PPFIA3: variants seen among roughly 807,000 people sequenced by gnomAD.
The protein encoded by PPFIA3 is PPFI scaffold protein A3, also known as liprin-alpha-3.
Under a neutral mutation model 145.8 loss-of-function variants are expected in PPFIA3, and 26 were observed. The observed-to-expected ratio is 0.18, with a 90% CI of 0.13 to 0.25. The LOEUF is 0.25. Among genes scored for constraint, PPFIA3 ranks in the 10% least tolerant of loss-of-function variants. The pLI is 1.00. For synonymous variants in PPFIA3, 645 were observed against 661.4 expected (o/e 0.98, Z 0.38); for missense variants, 1,008 against 1,587.8 (o/e 0.63, Z 6.21).
At position 49,149,954 on chromosome 19, in the gene PPFIA3, G is replaced by A. The variant is rs2041326317; in HGVS notation, c.3527-126G>A. 8.0e-7 allele frequency: 1 copy of A among 1,250,028 alleles called. No homozygotes were observed. The highest frequency in any genetic ancestry group is 1.1e-6 in the Non-Finnish European group (1 of 898,058). The allele number at this position is 1,250,028 out of a possible 1,614,324, so 77.4% of individuals were successfully genotyped here. On this transcript the variant is annotated intron_variant, in intron 28 of 29. Transcript: ENST00000334186. The surrounding 1 kb of genome is among the most constrained non-coding windows in gnomAD (Gnocchi z 5.7). The stretch of plus-strand genomic sequence containing the variant: ...TTTGAGTCCTTGGCTGCGGGGAAGG[G>A]AGGGAAACCCATGTGGAGCCCGGCG...
In PPFIA3 at chr19:49,130,058, G is replaced by A. The variant is rs1209034514; in HGVS notation, c.648G>A (p.Gly216=). The change falls in exon 6 of 30, where the codon GGG becomes GGA. Residue 216 remains glycine (G), a synonymous_variant. Coordinates refer to ENST00000334186, the MANE Select transcript of PPFIA3 (RefSeq NM_003660.4). This position sits in a 1 kb window ranked among gnomAD's most constrained non-coding sequence, Gnocchi z 4.5. ...RSGLEEPGKD[G]DGQTLANGLG... ...GGCTGGAAGAGCCGGGCAAGGATGG[G>A]GATGGGCAGGTGAGACATGGAAGTC... is the stretch of plus-strand genomic sequence containing the variant. The A allele has an allele frequency of 3.1e-6, 5 of 1,611,850 alleles. No homozygotes were observed. Among genetic ancestry groups the A allele is most frequent in the Non-Finnish European group, 4.2e-6 (5 of 1,179,276 alleles).
intron 23 of PPFIA3, chr19:49,146,442 G>GT (rs1404634991): frequency 2.6e-5 from 15 of 584,416 alleles, no homozygotes; most frequent in South Asian, 6.1e-5. Context: ...ATCGTGGGTT[G>GT]TGGGGGCTCT....
Position 49,129,368 on chromosome 19 carries a change from C to CCCGAT in PPFIA3, c.508-9_508-5dup, listed in dbSNP as rs780131221. 2.4e-5 allele frequency: 37 copies of CCCGAT among 1,549,270 alleles called. No individual in the cohort carries two copies. The highest frequency in any genetic ancestry group is 6.0e-5 in the South Asian group (5 of 83,980). ...TGTCTCCAGCTGACTGTTGCCCTGC[C>CCCGAT]CCGATCCCCAGGTCCGGGAGCGGCT... On this transcript the variant is annotated splice_polypyrimidine_tract_variant and intron_variant, in intron 4 of 29. Transcript: ENST00000334186.
intron 16 of PPFIA3, 144 bp from the exon 17 acceptor site, chr19:49,139,524 C>A: frequency 3.0e-6 from 2 of 676,046 alleles, no homozygotes; most frequent in Non-Finnish European, 4.3e-6. Context: ...CTGCAACTCA[C>A]CCTGACTTGA....
rs1473610456 is a variant in PPFIA3 at position 49,150,489 on chromosome 19, C to T, written c.*267C>T. 1 of 219,344 alleles carries T rather than the reference C, an allele frequency of 4.6e-6. No homozygotes were observed. Among genetic ancestry groups the T allele is most frequent in the Non-Finnish European group, 9.0e-6 (1 of 110,758 alleles). 13.6% of individuals were successfully genotyped at this position (219,344 alleles called of 1,614,324 possible). ...CAAACGTCCGCTTTCCTTTTCTCTA[C>T]TTTGTAATTTATTGATCAGTTTCTG... is the stretch of plus-strand genomic sequence containing the variant. On this transcript the variant is annotated 3_prime_UTR_variant, in exon 30 of 30. Coordinates refer to ENST00000334186, the MANE Select transcript of PPFIA3 (RefSeq NM_003660.4).
chr19:49,134,779 G>C, intron 12 of PPFIA3, 57 bp from the exon 13 acceptor site: 1 of 1,610,776 alleles, frequency 6.2e-7, no homozygotes, highest in Non-Finnish European at 8.5e-7. Flanking sequence ...TCTGGCAGGG[G>C]CTGTTCCTCC....
chr19:49,140,639 C>CTTTTTTTTTTTTTTTTTTT (rs4002348), intron 18 of PPFIA3, among the ~76,000 whole-genome samples: 5 of 63,830 alleles, frequency 7.8e-5, no homozygotes, highest in African/African-American at 3.1e-4. Context: ...ACTCATTTAC[C>CTTTTTTTTTTTTTTTTTTT]TTTTTTTTTT....
chr19:49,128,789 C>T lies in PPFIA3; in HGVS notation c.343-59C>T. 1 of 1,472,246 alleles carries T rather than the reference C, an allele frequency of 6.8e-7. No homozygotes were observed. The highest frequency in any genetic ancestry group is 9.1e-7 in the Non-Finnish European group (1 of 1,094,926). 91.2% of individuals were successfully genotyped at this position (1,472,246 alleles called of 1,614,324 possible). Reference sequence around the variant, plus strand: ...GTCCGCCCTACCTGTCACCCTTTTTCTCACATCTGCCCCTTTTCCCTTGCC... The same window carrying T: ...GTCCGCCCTACCTGTCACCCTTTTTTTCACATCTGCCCCTTTTCCCTTGCC... On this transcript the variant is annotated intron_variant, in intron 3 of 29. Transcript: ENST00000334186. The surrounding 1 kb of genome is among the most constrained non-coding windows in gnomAD (Gnocchi z 4.1).
chr19:49,141,676 A>G (rs866842168), intron 19 of PPFIA3, among the ~76,000 whole-genome samples, 163 bp downstream of exon 19: 6 of 151,536 alleles, frequency 4.0e-5, no homozygotes, highest in African/African-American at 1.5e-4. Context: ...TGGGAATTCA[A>G]TGCTGGGAGG....
intron 11 of PPFIA3, 131 bp downstream of exon 11, chr19:49,134,296 C>A: frequency 7.9e-7 from 1 of 1,270,830 alleles, no homozygotes; most frequent in Non-Finnish European, 1.1e-6. Context: ...CTGAGTTGGG[C>A]AGCCTTCTCT....
chr19:49,148,516 C>A, intron 24 of PPFIA3, 150 bp from the exon 25 acceptor site: 1 of 736,564 alleles, frequency 1.4e-6, no homozygotes, highest in Non-Finnish European at 2.2e-6. Flanking sequence ...ATTGAAAATG[C>A]CTCACCTCCT....
chr19:49,142,112 G>T lies in PPFIA3; in HGVS notation c.2541G>T (p.Leu847=), dbSNP rs757503340. ...ACGGGCCCACCGTGGTGTCCTGGCT[G>T]GAGGTACTGGGGCCCAGAAATGCCC... ...AWDGPTVVSW[L]ELWVGMPAWY... Residue 847 remains leucine (L), a synonymous_variant, in exon 20 of 30, where the codon CTG becomes CTT. Transcript: ENST00000334186. The T allele has an allele frequency of 8.4e-5, 132 of 1,567,904 alleles. No homozygotes were observed. The highest frequency in any genetic ancestry group is 6.3e-4 in the South Asian group (54 of 85,156).
In PPFIA3 at chr19:49,128,162, A is replaced by G. The variant is rs1374491223; in HGVS notation, c.240+49A>G. 1.1e-5 allele frequency: 16 copies of G among 1,423,680 alleles called. No homozygotes were observed. In the East Asian group the frequency reaches 1.7e-4, roughly 15 times the overall value. The allele number at this position is 1,423,680 out of a possible 1,614,324, so 88.2% of individuals were successfully genotyped here. A position where few individuals can be genotyped will look rare whatever the true frequency, so the allele number is the denominator to read the frequency against. On this transcript the variant is annotated intron_variant, in intron 2 of 29. Transcript: ENST00000334186. The surrounding 1 kb of genome is among the most constrained non-coding windows in gnomAD (Gnocchi z 4.1). The stretch of plus-strand genomic sequence containing the variant: ...CATGAGGGGGCGGGGCCTCGGGGGG[A>G]AGAAGGCGGTCCGGAAGGGGCCGGG...
chr19:49,134,596 G>A (rs1407768644), intron 11 of PPFIA3, 43 bp from the exon 12 acceptor site: 2 of 1,584,506 alleles, frequency 1.3e-6, no homozygotes, highest in South Asian at 1.1e-5. Context: ...CACGGGCGTG[G>A]CCCCTCAGGC....
chr19:49,141,601 A>AGT (rs147872140), intron 19 of PPFIA3, 88 bp downstream of exon 19: 288,346 of 819,384 alleles, frequency 0.35, 46,914 homozygotes, highest in African/African-American at 0.47. Context: ...TGTGTGTATG[A>AGT]GTGTGTGTGT....
Position 49,133,933 on chromosome 19 carries a change from TTAA to T in PPFIA3, c.1245+58_1245+60del. The T allele has an allele frequency of 2.5e-6, 4 of 1,609,594 alleles. No homozygotes were observed. In the African/African-American group the frequency reaches 4.0e-5, roughly 16 times the overall value. ...TGGGGCTTCGAGGCTGGGGCGGAGC[TTAA>T]TAAGGAGGCTGGGCTGGGCCCGGGG... On this transcript the variant is annotated intron_variant, in intron 10 of 29. Transcript: ENST00000334186. This position sits in a 1 kb window ranked among gnomAD's most constrained non-coding sequence, Gnocchi z 7.2.
intron 23 of PPFIA3, chr19:49,146,540 T>G (rs1181193042): frequency 2.8e-6 from 1 of 354,868 alleles, no homozygotes; most frequent in Non-Finnish European, 5.2e-6. Flanking sequence ...GACTGCTCAG[T>G]GTACCAGGGC....
intron 17 of PPFIA3, 26 bp downstream of exon 17, chr19:49,139,857 AG>A (rs2041195099): frequency 1.2e-6 from 2 of 1,610,448 alleles, no homozygotes; most frequent in Non-Finnish European, 1.7e-6. Context: ...GGATAGGGAC[AG>A]GGAGAAGCTG....
rs750429291 is a variant in PPFIA3 at position 49,133,111 on chromosome 19, G to A, written c.990G>A (p.Glu330=). 2 of 1,611,938 alleles carry A rather than the reference G, an allele frequency of 1.2e-6. No homozygotes were observed. The highest frequency in any genetic ancestry group is 2.2e-5 in the East Asian group (1 of 44,864). Residue 330 remains glutamate, a synonymous_variant, in exon 8 of 30, where the codon GAG becomes GAA. Transcript: ENST00000334186. This position sits in a 1 kb window ranked among gnomAD's most constrained non-coding sequence, Gnocchi z 7.2. ...TSLHDANDKL[E]NELASKESLY... ...TGCACGACGCCAACGACAAACTGGA[G>A]AACGAGTTAGCTAGCAAGGAGTCGT...
Sources: allele counts gnomAD v4.1 joint callset (sites outside exome capture counted in the v4.1 genomes callset), GRCh38; gene constraint gnomAD v4.1.1; non-coding constraint Gnocchi (gnomAD v3.1); transcripts MANE v1.5; gene names NCBI Gene and HGNC (gene_info 2026-07-23, HGNC 2026-07-21).